Variants in SLC10A5 observed in about 807,000 individuals in gnomAD.
SLC10A5 encodes the protein sodium/bile acid cotransporter 5.
For synonymous variants in SLC10A5, 181 were observed against 183.7 expected, an observed-to-expected ratio of 0.99 and a Z score of 0.12; for missense variants, 475 against 500.7, an observed-to-expected ratio of 0.95 and a Z score of 0.49.
chr8:81,694,304 GAGAT>G lies in SLC10A5; in HGVS notation c.665_668del (p.Tyr222SerfsTer6). 2 of 1,614,122 alleles carry G rather than the reference GAGAT, an allele frequency of 1.2e-6. No homozygotes were observed. The highest frequency in any genetic ancestry group is 1.7e-6 in the Non-Finnish European group (2 of 1,180,036). ...AATCTCCATCTAGAAGCAGAGCAAA[GAGAT>G]AGCCCCCACCCCCTCCTGGGCACGT... is the stretch of plus-strand genomic sequence containing the variant. On this transcript the variant is annotated frameshift_variant, in exon 1 of 1. Coordinates refer to ENST00000518568, the MANE Select transcript of SLC10A5 (RefSeq NM_001010893.3). LOFTEE classifies it low-confidence loss of function (END_TRUNC).
At position 81,695,000 on chromosome 8, in the gene SLC10A5, C is replaced by T. The variant is rs1807707716; in HGVS notation, c.-28G>A. 6.7e-7 allele frequency: 1 copy of T among 1,491,762 alleles called. No homozygotes were observed. The highest frequency in any genetic ancestry group is 1.4e-5 in the South Asian group (1 of 73,626). 92.4% of individuals were successfully genotyped at this position (1,491,762 alleles called of 1,614,324 possible). On this transcript the variant is annotated 5_prime_UTR_variant, in exon 1 of 1. Transcript: ENST00000518568. The stretch of plus-strand genomic sequence containing the variant: ...TGAAAGCTGAAATAAATCATATATG[C>T]AAAATCGTTTTTAAAAAATGAAAGA...
In SLC10A5 at chr8:81,694,855, T is replaced by TGAAACCATC. The variant is rs1253080511; in HGVS notation, c.117_118insGATGGTTTC (p.Lys39_Thr40insAspGlyPhe). 6.2e-7 allele frequency: 1 copy of TGAAACCATC among 1,613,862 alleles called. No homozygotes were observed. Among genetic ancestry groups the TGAAACCATC allele is most frequent in the East Asian group, 2.2e-5 (1 of 44,862 alleles). ...GAACTTACAAGGATGGTTTCTTCAG[T>TGAAACCATC]CTTTGTGAAAAATAGTATTTCAGTC... On this transcript the variant is annotated inframe_insertion, in exon 1 of 1. Transcript: ENST00000518568.
In SLC10A5 at chr8:81,694,963, T is replaced by C; in HGVS notation, c.10A>G (p.Lys4Glu). ...AACAAAAGTAGAACAATAAAAAGTT[T>C]TCTAATCATTTTGAAAGCTGAAATA... MIR[K>E]LFIVLLLLLV... The change falls in exon 1 of 1, where the codon AAA becomes GAA. Residue 4 changes from lysine to glutamate, a missense_variant. Transcript: ENST00000518568. 6.4e-7 allele frequency: 1 copy of C among 1,550,390 alleles called. No homozygotes were observed. The highest frequency in any genetic ancestry group is 8.6e-7 in the Non-Finnish European group (1 of 1,157,084).
At position 81,694,195 on chromosome 8, in the gene SLC10A5, T is replaced by A. The variant is rs748686864; in HGVS notation, c.778A>T (p.Ile260Leu). 9.9e-6 allele frequency: 16 copies of A among 1,613,966 alleles called. No individual in the cohort carries two copies. The highest frequency in any genetic ancestry group is 1.3e-5 in the Non-Finnish European group (15 of 1,180,028). ...TGGAATGTACCTGACAACCCTAATA[T>A]CCTACTGTATATATAAGAATTGACA... ...MPVNSYIYSR[I>L]LGLSGTFHIP... Residue 260 changes from isoleucine to leucine, a missense_variant, in exon 1 of 1, where the codon ATA becomes TTA. By Grantham distance (5) the Ile-to-Leu change is conservative. Coordinates refer to ENST00000518568, the MANE Select transcript of SLC10A5 (RefSeq NM_001010893.3).
In SLC10A5 at chr8:81,694,116, G is replaced by C. The variant is rs1807688886; in HGVS notation, c.857C>G (p.Ser286Ter). ...TCTATGCTTGATGACTATTCCAATT[G>C]ATACTGGCACAAGTATGAAAAGGAG... ...STLLFILVPV[S>*]IGIVIKHRIP... Residue 286 changes from serine to a stop codon, truncating the protein, a stop_gained, in exon 1 of 1, where the codon TCA (serine) becomes TGA (stop). Transcript: ENST00000518568. LOFTEE classifies it low-confidence loss of function (END_TRUNC). 4 of 1,613,886 alleles carry C rather than the reference G, an allele frequency of 2.5e-6. No homozygotes were observed. In the African/African-American group the frequency reaches 4.0e-5, roughly 16 times the overall value.
chr8:81,693,714 G>A lies in SLC10A5; in HGVS notation c.1259C>T (p.Ala420Val). ...TAAGAAAAAGATACATCTTTTCTTA[G>A]CCTTGTAAACTAGAATGATCAGTAA... ...EMLLIILVYK[A>V]KKRCIFFLQD... The change falls in exon 1 of 1, where the codon GCT becomes GTT. Residue 420 changes from alanine (A) to valine (V), a missense_variant. By Grantham distance (64) the Ala-to-Val change is moderately conservative. Transcript: ENST00000518568. The A allele has an allele frequency of 6.2e-7, 1 of 1,603,784 alleles. No individual in the cohort carries two copies. Among genetic ancestry groups the A allele is most frequent in the South Asian group, 1.1e-5 (1 of 88,114 alleles).
rs758643084 is a variant in SLC10A5, at chr8:81,694,398, C to A, written c.575G>T (p.Gly192Val). Residue 192 changes from glycine (G) to valine (V), a missense_variant, in exon 1 of 1, where the codon GGG becomes GTG. Transcript: ENST00000518568. ...VTQFFLMPFC[G>V]FLLSQIVALP... Reference sequence around the variant, plus strand: ...TGCCACAATCTGAGACAAAAGAAACCCGCAAAATGGCATCAGAAAAAACTG... The same window carrying A: ...TGCCACAATCTGAGACAAAAGAAACACGCAAAATGGCATCAGAAAAAACTG... 5.6e-6 allele frequency: 9 copies of A among 1,614,100 alleles called. 1 individual carries two copies. In the South Asian group the frequency reaches 9.9e-5, roughly 18 times the overall value.
At position 81,695,007 on chromosome 8, in the gene SLC10A5, G is replaced by T; in HGVS notation, c.-35C>A. On this transcript the variant is annotated 5_prime_UTR_variant, in exon 1 of 1. Transcript: ENST00000518568. ...TGAAATAAATCATATATGCAAAATC[G>T]TTTTTAAAAAATGAAAGAACATTCT... 1 of 1,471,118 alleles carries T rather than the reference G, an allele frequency of 6.8e-7. No individual in the cohort carries two copies. Among genetic ancestry groups the T allele is most frequent in the East Asian group, 2.3e-5 (1 of 43,630 alleles). 91.1% of individuals were successfully genotyped at this position (1,471,118 alleles called of 1,614,324 possible).
Position 81,694,658 on chromosome 8 carries a change from C to T in SLC10A5, c.315G>A (p.Trp105Ter), listed in dbSNP as rs775251736. The change falls in exon 1 of 1, where the codon TGG becomes TGA. Residue 105 changes from tryptophan (W) to a stop codon, truncating the protein, a stop_gained. Coordinates refer to ENST00000518568, the MANE Select transcript of SLC10A5 (RefSeq NM_001010893.3). LOFTEE classifies it low-confidence loss of function (END_TRUNC). ...GTCTTTCTTGCCTACCTTCAGAATCCCAGAGTTGAATAGTCACATTTGTTT... is the reference window on the plus strand; with the variant it reads ...GTCTTTCTTGCCTACCTTCAGAATCTCAGAGTTGAATAGTCACATTTGTTT... ...EGETNVTIQL[W>*]DSEGRQERLI... 1 of 1,613,904 alleles carries T rather than the reference C, an allele frequency of 6.2e-7. No individual in the cohort carries two copies. The highest frequency in any genetic ancestry group is 1.1e-5 in the South Asian group (1 of 91,070).
chr8:81,694,048 G>A lies in SLC10A5; in HGVS notation c.925C>T (p.Leu309=). The A allele has an allele frequency of 6.2e-7, 1 of 1,613,874 alleles. No homozygotes were observed. Among genetic ancestry groups the A allele is most frequent in the Non-Finnish European group, 8.5e-7 (1 of 1,180,000 alleles). Residue 309 remains leucine, a synonymous_variant, in exon 1 of 1, where the codon CTG becomes TTG. Coordinates refer to ENST00000518568, the MANE Select transcript of SLC10A5 (RefSeq NM_001010893.3). ...ASFLERIIRP[L]SFILMFVGIY... is the part of the protein sequence containing the mutation. ...CCTACGAACATTAAAATAAAACTCA[G>A]AGGTCTAATTATTCTCTCTAAGAAG...
Position 81,694,146 on chromosome 8 carries a change from G to T in SLC10A5, c.827C>A (p.Ser276Ter). 1 of 1,614,002 alleles carries T rather than the reference G, an allele frequency of 6.2e-7. No individual in the cohort carries two copies. The highest frequency in any genetic ancestry group is 1.1e-5 in the South Asian group (1 of 91,054). ...TGGCACAAGTATGAAAAGGAGTGTT[G>T]ACACAATTTTAGAAACAGGAATATG... ...TFHIPVSKIV[S>*]TLLFILVPVS... The change falls in exon 1 of 1, where the codon TCA (serine) becomes TAA (stop). Residue 276 changes from serine (S) to a stop codon, truncating the protein, a stop_gained. Coordinates refer to ENST00000518568, the MANE Select transcript of SLC10A5 (RefSeq NM_001010893.3). LOFTEE classifies it low-confidence loss of function (END_TRUNC).
chr8:81,694,120 C>A lies in SLC10A5; in HGVS notation c.853G>T (p.Val285Leu), dbSNP rs749463395. The change falls in exon 1 of 1, where the codon GTA (valine) becomes TTA (leucine). Residue 285 changes from valine to leucine, a missense_variant. By Grantham distance (32) the Val-to-Leu change is conservative. Coordinates refer to ENST00000518568, the MANE Select transcript of SLC10A5 (RefSeq NM_001010893.3). Reference protein sequence around the residue: ...VSTLLFILVPVSIGIVIKHRI... With the variant: ...VSTLLFILVPLSIGIVIKHRI... ...TGCTTGATGACTATTCCAATTGATACTGGCACAAGTATGAAAAGGAGTGTT... is the reference window on the plus strand; with the variant it reads ...TGCTTGATGACTATTCCAATTGATAATGGCACAAGTATGAAAAGGAGTGTT... 3 of 1,614,056 alleles carry A rather than the reference C, an allele frequency of 1.9e-6. No homozygotes were observed. The Admixed American group carries it at 5.0e-5, about 27-fold the overall frequency.
At position 81,693,813 on chromosome 8, in the gene SLC10A5, GAC is replaced by G; in HGVS notation, c.1158_1159del (p.Ser387PhefsTer23). On this transcript the variant is annotated frameshift_variant, in exon 1 of 1. Coordinates refer to ENST00000518568, the MANE Select transcript of SLC10A5 (RefSeq NM_001010893.3). LOFTEE classifies it low-confidence loss of function (END_TRUNC). ...TAAATTGGCCTTGGACTGTGGAAAA[GAC>G]AGCTGAATAACGGCAAGAGCTAAGA... 1 of 1,614,068 alleles carries G rather than the reference GAC, an allele frequency of 6.2e-7. No homozygotes were observed. The highest frequency in any genetic ancestry group is 8.5e-7 in the Non-Finnish European group (1 of 1,180,014).
In SLC10A5 at chr8:81,693,914, G is replaced by T. The variant is rs199692761; in HGVS notation, c.1059C>A (p.Ser353=). ...GAGGCAGCGTACAAACTTTAGCAAA[G>T]GAGTACCCAAACAGCAAACCCAAAG... ...VPALGLLFGY[S]FAKVCTLPLP... is the part of the protein sequence containing the mutation. The change falls in exon 1 of 1, where the codon TCC becomes TCA. Residue 353 remains serine (S), a synonymous_variant. Coordinates refer to ENST00000518568, the MANE Select transcript of SLC10A5 (RefSeq NM_001010893.3). The T allele has an allele frequency of 6.2e-7, 1 of 1,613,884 alleles. No individual in the cohort carries two copies.
rs1221434004 is a variant in SLC10A5 at position 81,694,325 on chromosome 8, T to C, written c.648A>G (p.Pro216=). 2 of 1,613,062 alleles carry C rather than the reference T, an allele frequency of 1.2e-6. No homozygotes were observed. The highest frequency in any genetic ancestry group is 1.1e-5 in the South Asian group (1 of 91,028). ...CAAAGAGATAGCCCCCACCCCCTCC[T>C]GGGCACGTGCAGGTCATTACAACTC... ...AFGVVMTCTC[P]GGGGGYLFAL... is the part of the protein sequence containing the mutation. Residue 216 remains proline (P), a synonymous_variant, in exon 1 of 1, where the codon CCA becomes CCG. Transcript: ENST00000518568.
chr8:81,694,583 G>A lies in SLC10A5; in HGVS notation c.390C>T (p.Asp130=). The A allele has an allele frequency of 6.2e-7, 1 of 1,614,018 alleles. No homozygotes were observed. ...NVKVKVLKQK[D]SLLQAPMHID... ...TATGCATTGGTGCCTGGAGTAGACT[G>A]TCTTTTTGTTTGAGCACTTTGACTT... Residue 130 remains aspartate, a synonymous_variant, in exon 1 of 1, where the codon GAC becomes GAT. Transcript: ENST00000518568.
Position 81,693,827 on chromosome 8 carries a change from G to A in SLC10A5, c.1146C>T (p.Ala382=), listed in dbSNP as rs1268052622. The part of the protein sequence containing the change: ...SGMLNSFLAL[A]VIQLSFPQSK... ...ACTGTGGAAAAGACAGCTGAATAACGGCAAGAGCTAAGAAACTATTTAACA... is the reference window on the plus strand; with the variant it reads ...ACTGTGGAAAAGACAGCTGAATAACAGCAAGAGCTAAGAAACTATTTAACA... Residue 382 remains alanine (A), a synonymous_variant, in exon 1 of 1, where the codon GCC becomes GCT. Transcript: ENST00000518568. The A allele has an allele frequency of 6.2e-6, 10 of 1,613,718 alleles. No homozygotes were observed. The highest frequency in any genetic ancestry group is 1.7e-5 in the Admixed American group (1 of 59,926).
Position 81,693,829 on chromosome 8 carries a change from C to T in SLC10A5, c.1144G>A (p.Ala382Thr). The T allele has an allele frequency of 6.2e-7, 1 of 1,613,850 alleles. No individual in the cohort carries two copies. The highest frequency in any genetic ancestry group is 8.5e-7 in the Non-Finnish European group (1 of 1,179,980). Residue 382 changes from alanine to threonine, a missense_variant, in exon 1 of 1, where the codon GCC (alanine) becomes ACC (threonine). Coordinates refer to ENST00000518568, the MANE Select transcript of SLC10A5 (RefSeq NM_001010893.3). ...SGMLNSFLAL[A>T]VIQLSFPQSK... Reference sequence around the variant, plus strand: ...TGTGGAAAAGACAGCTGAATAACGGCAAGAGCTAAGAAACTATTTAACATC... The same window carrying T: ...TGTGGAAAAGACAGCTGAATAACGGTAAGAGCTAAGAAACTATTTAACATC...
At position 81,694,994 on chromosome 8, in the gene SLC10A5, T is replaced by C. The variant is rs1434528653; in HGVS notation, c.-22A>G. The C allele has an allele frequency of 1.3e-6, 2 of 1,507,698 alleles. No individual in the cohort carries two copies. Among genetic ancestry groups the C allele is most frequent in the East Asian group, 2.3e-5 (1 of 44,082 alleles). The allele number at this position is 1,507,698 out of a possible 1,614,324, so 93.4% of individuals were successfully genotyped here. On this transcript the variant is annotated 5_prime_UTR_variant, in exon 1 of 1. In the 5' UTR this introduces an upstream ATG that the reference lacks. Transcript: ENST00000518568. ...TCATTTTGAAAGCTGAAATAAATCA[T>C]ATATGCAAAATCGTTTTTAAAAAAT... is the stretch of plus-strand genomic sequence containing the variant.
Sources: allele counts gnomAD v4.1 joint callset, GRCh38; gene constraint gnomAD v4.1.1; transcripts MANE v1.5; gene names NCBI Gene and HGNC (gene_info 2026-07-23, HGNC 2026-07-21).